YME1L1: variants seen among roughly 807,000 people sequenced by gnomAD.
YME1L1 encodes ATP-dependent zinc metalloprotease YME1L1.
A neutral mutation model predicts 90.4 loss-of-function variants in YME1L1; 39 were observed. The ratio of observed to expected loss-of-function variants is 0.43; its 90% CI spans 0.33 to 0.56. The LOEUF (loss-of-function observed/expected upper bound fraction) is 0.56. Ranked by LOEUF, YME1L1 falls within the 20% of genes least tolerant of loss-of-function variation. The pLI, the probability that YME1L1 is intolerant of heterozygous loss-of-function variation, is 0.03. For synonymous variants in YME1L1, 284 were observed against 287.3 expected, an observed-to-expected ratio of 0.99 and a Z score of 0.12; for missense variants, 617 against 868.4, an observed-to-expected ratio of 0.71 and a Z score of 3.64.
At chr10:27,143,572 C>T (rs936119439) in intron 3 of YME1L1, among the ~76,000 whole-genome samples, 9 of 151,664 alleles carry the variant, frequency 5.9e-5, no homozygotes, top group African/African-American at 1.5e-4. Flanking sequence ...GTGGCGGATG[C>T]GTGTAGTCCC....
intron 6 of YME1L1, 23 bp downstream of exon 6, chr10:27,134,808 C>A: frequency 6.2e-7 from 1 of 1,610,668 alleles, no homozygotes; most frequent in Non-Finnish European, 8.5e-7. Context: ...TTCTCAAACA[C>A]GGATGGTGTC....
chr10:27,123,244 C>A (rs989105223), intron 10 of YME1L1, among the ~76,000 whole-genome samples: 1 of 152,196 alleles, frequency 6.6e-6, no homozygotes, highest in South Asian at 2.1e-4. Flanking sequence ...CTAATTACTC[C>A]TTAATTCCAT....
At chr10:27,137,845 ATT>A (rs1041877510) in intron 4 of YME1L1, among the ~76,000 whole-genome samples, 9 of 152,238 alleles carry the variant, frequency 5.9e-5, no homozygotes, top group African/African-American at 2.2e-4. Flanking sequence ...AGTTATATAT[ATT>A]GTAAACATTT....
At chr10:27,138,616 T>C (rs575313357) in intron 4 of YME1L1, among the ~76,000 whole-genome samples, 27 of 152,276 alleles carry the variant, frequency 1.8e-4, no homozygotes, top group African/African-American at 6.0e-4. Context: ...CGCTAGAATA[T>C]AAGAAAGCTA....
intron 4 of YME1L1, among the ~76,000 whole-genome samples, chr10:27,136,968 G>A (rs1263781725): frequency 6.6e-6 from 1 of 150,954 alleles, no homozygotes; most frequent in East Asian, 1.9e-4. Context: ...AGAAGTCAGA[G>A]GGTTATACAA....
intron 1 of YME1L1, among the ~76,000 whole-genome samples, chr10:27,149,836 A>G (rs1487523683): frequency 2.0e-5 from 3 of 148,666 alleles, no homozygotes; most frequent in African/African-American, 7.4e-5. Flanking sequence ...GCACTTTGGG[A>G]GGCCAAGGCA....
chr10:27,153,150 C>T, intron 1 of YME1L1: 2 of 469,358 alleles, frequency 4.3e-6, no homozygotes, highest in Non-Finnish European at 4.4e-6. Flanking sequence ...TACCTGTTCA[C>T]TCTTCACCTT....
intron 11 of YME1L1, among the ~76,000 whole-genome samples, chr10:27,122,104 C>T (rs1029438498): frequency 5.3e-5 from 8 of 152,162 alleles, no homozygotes; most frequent in Non-Finnish European, 1.2e-4. Flanking sequence ...CTCCTGGCCT[C>T]AAGCAATCCT....
intron 1 of YME1L1, 39 bp downstream of exon 1, chr10:27,154,139 G>A: frequency 6.4e-7 from 1 of 1,568,774 alleles, no homozygotes; most frequent in Non-Finnish European, 8.7e-7. Context: ...GCCACGGGCA[G>A]GGCGGGAGGA....
intron 9 of YME1L1, among the ~76,000 whole-genome samples, chr10:27,124,338 G>A (rs867784901): frequency 2.0e-5 from 3 of 152,190 alleles, no homozygotes; most frequent in Non-Finnish European, 2.9e-5. Context: ...TTGAGTCTAA[G>A]TGGATAGGAT....
intron 11 of YME1L1, among the ~76,000 whole-genome samples, chr10:27,121,755 T>TG (rs969924732): frequency 4.6e-5 from 6 of 130,046 alleles, no homozygotes; most frequent in African/African-American, 2.0e-4. Flanking sequence ...ACTATTTTTT[T>TG]TTTTTTTTGG....
At position 27,131,805 on chromosome 10, in the gene YME1L1, T is replaced by A. The variant is rs549781047; in HGVS notation, c.858+54A>T. On this transcript the variant is annotated intron_variant, in intron 8 of 18. Transcript: ENST00000376016. ...TGTAGAATCAAATATCGACCTCATA[T>A]AGAGTATCAATTAGAGGATGTATGA... is the stretch of plus-strand genomic sequence containing the variant. The A allele has an allele frequency of 4.4e-6, 6 of 1,361,098 alleles. No homozygotes were observed. In the Admixed American group the frequency reaches 7.7e-5, roughly 18 times the overall value. The allele number at this position is 1,361,098 out of a possible 1,614,324, so 84.3% of individuals were successfully genotyped here.
intron 18 of YME1L1, among the ~76,000 whole-genome samples, chr10:27,114,004 A>C (rs1405429046): frequency 6.6e-6 from 1 of 152,018 alleles, no homozygotes. Context: ...CTCAATAAAC[A>C]ATACTCTTCC....
At chr10:27,136,903 G>A (rs1019271070) in intron 4 of YME1L1, among the ~76,000 whole-genome samples, 7 of 151,678 alleles carry the variant, frequency 4.6e-5, no homozygotes, top group Non-Finnish European at 8.8e-5. Flanking sequence ...GATTATAGGC[G>A]TGAGCCACCG....
Position 27,117,974 on chromosome 10 carries a change from T to C in YME1L1, c.1568-247A>G, listed in dbSNP as rs138620750. Among the ~76,000 whole-genome samples, 286 of 152,320 alleles carry C rather than the reference T, an allele frequency of 1.9e-3. No homozygotes were observed. The highest frequency in any genetic ancestry group is 6.8e-3 in the Middle Eastern group (2 of 294). On this transcript the variant is annotated intron_variant, in intron 14 of 18. Coordinates refer to ENST00000376016, the MANE Select transcript of YME1L1 (RefSeq NM_014263.4). ...ATTGTATTAGTAATCTAGAGATGAT[T>C]TGAAGTATACAGGAGAATTATGTAG...
At chr10:27,152,388 T>A (rs1248125561) in intron 1 of YME1L1, among the ~76,000 whole-genome samples, 1 of 152,234 alleles carries the variant, frequency 6.6e-6, no homozygotes, top group Non-Finnish European at 1.5e-5. Context: ...GAATTCCAAA[T>A]GTGTTACCAT....
chr10:27,117,830 AG>A, intron 14 of YME1L1, 103 bp from the exon 15 acceptor site: 3 of 1,196,500 alleles, frequency 2.5e-6, no homozygotes, highest in Non-Finnish European at 3.5e-6. Context: ...CCTTCCTATC[AG>A]CAGATTCTGC....
chr10:27,143,112 G>A (rs888245146), intron 3 of YME1L1, among the ~76,000 whole-genome samples: 28 of 152,100 alleles, frequency 1.8e-4, no homozygotes, highest in African/African-American at 6.7e-4. Flanking sequence ...GCTCACGCCT[G>A]TAATTCCAGC....
rs74128572 is a variant in YME1L1, at chr10:27,123,751, C to T, written c.950-52G>A. On this transcript the variant is annotated intron_variant, in intron 9 of 18. Transcript: ENST00000376016. ...TTCAAAGTATTTTTAAAAAATCCCTCGATATGAACCTATAAAATAAATAAT... is the reference window on the plus strand; with the variant it reads ...TTCAAAGTATTTTTAAAAAATCCCTTGATATGAACCTATAAAATAAATAAT... 1,671 of 1,509,386 alleles carry T rather than the reference C, an allele frequency of 1.1e-3. 18 individuals are homozygous for T. In the African/African-American group the frequency reaches 0.02, roughly 18 times the overall value. 93.5% of individuals were successfully genotyped at this position (1,509,386 alleles called of 1,614,324 possible). A position where few individuals can be genotyped will look rare whatever the true frequency, so the allele number is the denominator to read the frequency against.
Sources: allele counts gnomAD v4.1 joint callset (sites outside exome capture counted in the v4.1 genomes callset), GRCh38; gene constraint gnomAD v4.1.1; transcripts MANE v1.5; gene names NCBI Gene and HGNC (gene_info 2026-07-23, HGNC 2026-07-21).